The following ZCCHC14 variants were observed in gnomAD, a reference collection of about 807,000 sequenced individuals.
The protein encoded by ZCCHC14 is zinc finger CCHC-type containing 14.
A neutral mutation model predicts 85.0 loss-of-function variants in ZCCHC14; 16 were observed. The observed-to-expected ratio is 0.19, with a 90% CI of 0.13 to 0.29. ZCCHC14 has a LOEUF of 0.29. Ranked by LOEUF, ZCCHC14 falls within the 10% of genes least tolerant of loss-of-function variation. ZCCHC14 has a pLI of 1.00. For synonymous variants in ZCCHC14, 775 were observed against 630.7 expected, an observed-to-expected ratio of 1.23 and a Z score of -3.43; for missense variants, 1,303 against 1,443.5, an observed-to-expected ratio of 0.90 and a Z score of 1.58.
chr16:87,431,432 C>A (rs1332734086), intron 3 of ZCCHC14, among the ~76,000 whole-genome samples: 17 of 140,670 alleles, frequency 1.2e-4, no homozygotes, highest in South Asian at 4.6e-4. Context: ...GAGATCGCGT[C>A]ACTGCACTCC....
intron 1 of ZCCHC14, among the ~76,000 whole-genome samples, chr16:87,483,567 A>G (rs1395794144): frequency 1.3e-5 from 2 of 152,198 alleles, no homozygotes; most frequent in Non-Finnish European, 2.9e-5. Flanking sequence ...AACTCACCAA[A>G]TATCAATGAA....
rs768972294 is a variant in ZCCHC14, at chr16:87,412,773, C to T, written c.1948G>A (p.Val650Met). 34 of 1,613,754 alleles carry T rather than the reference C, an allele frequency of 2.1e-5. No homozygotes were observed. The African/African-American group carries it at 3.2e-4, about 15-fold the overall frequency. The part of the protein sequence containing the change: ...HITPIRMLNS[V>M]HKPERGSADM... The stretch of plus-strand genomic sequence containing the variant: ...GCGCTCCCTCTTTCCGGCTTGTGCA[C>T]GGAATTCAGCATGCGGATGGGTGTG... The change falls in exon 12 of 13, where the codon GTG becomes ATG. Residue 650 changes from valine (V) to methionine (M), a missense_variant. Coordinates refer to ENST00000671377, the MANE Select transcript of ZCCHC14 (RefSeq NM_015144.3).
chr16:87,428,085 A>ATTGGT (rs1315876338), intron 3 of ZCCHC14, among the ~76,000 whole-genome samples: 1 of 151,842 alleles, frequency 6.6e-6, no homozygotes, highest in Non-Finnish European at 1.5e-5. Flanking sequence ...ATTCCTGCAT[A>ATTGGT]TTGGTTTGAT....
chr16:87,430,846 T>TA (rs529104757), intron 3 of ZCCHC14, among the ~76,000 whole-genome samples: 7 of 152,214 alleles, frequency 4.6e-5, no homozygotes, highest in Admixed American at 3.3e-4. Context: ...ACTTGATTTC[T>TA]AAAATAGAAA....
intron 2 of ZCCHC14, among the ~76,000 whole-genome samples, chr16:87,433,933 C>A (rs1173700646): frequency 6.6e-6 from 1 of 152,148 alleles, no homozygotes; most frequent in African/African-American, 2.4e-5. Flanking sequence ...CGAAAGCCAC[C>A]GTGCCTGGCC....
At chr16:87,481,526 C>CGGGGGG (rs1315025919) in intron 1 of ZCCHC14, among the ~76,000 whole-genome samples, 4 of 2,432 alleles carry the variant, frequency 1.6e-3, no homozygotes, top group Non-Finnish European at 3.2e-3. Flanking sequence ...GGGAGAGAAA[C>CGGGGGG]GGGGGGGGGG....
At chr16:87,436,799 T>A (rs1189803229) in intron 2 of ZCCHC14, among the ~76,000 whole-genome samples, 1 of 152,182 alleles carries the variant, frequency 6.6e-6, no homozygotes, top group African/African-American at 2.4e-5. Flanking sequence ...GACAGTTTTG[T>A]TTAAAATGGA....
intron 1 of ZCCHC14, among the ~76,000 whole-genome samples, chr16:87,476,055 G>C (rs1190119992): frequency 2.0e-5 from 3 of 152,192 alleles, no homozygotes; most frequent in Non-Finnish European, 4.4e-5. Context: ...AGGAGAGACA[G>C]GGTCTCGACT....
At chr16:87,446,717 T>C (rs372170004) in intron 2 of ZCCHC14, among the ~76,000 whole-genome samples, 9 of 151,592 alleles carry the variant, frequency 5.9e-5, no homozygotes, top group Admixed American at 5.9e-4. Flanking sequence ...TGAGATAGAG[T>C]TTCGCTCTGC....
chr16:87,489,167 GA>G (rs757780613), intron 1 of ZCCHC14, among the ~76,000 whole-genome samples: 17 of 152,202 alleles, frequency 1.1e-4, no homozygotes, highest in Non-Finnish European at 1.8e-4. Context: ...CAACAGAAAC[GA>G]AAGTTAAATG....
At chr16:87,489,034 G>A (rs1182900936) in intron 1 of ZCCHC14, among the ~76,000 whole-genome samples, 2 of 152,200 alleles carry the variant, frequency 1.3e-5, no homozygotes, top group Admixed American at 6.5e-5. Flanking sequence ...TGCTTTTTCA[G>A]GAATACACCA....
chr16:87,453,567 C>T (rs1330206831), intron 2 of ZCCHC14, among the ~76,000 whole-genome samples: 1 of 152,196 alleles, frequency 6.6e-6, no homozygotes, highest in African/African-American at 2.4e-5. Context: ...CACCTGGCTG[C>T]CCCAGCCACG....
At chr16:87,477,913 T>G (rs1189203491) in intron 1 of ZCCHC14, among the ~76,000 whole-genome samples, 1 of 148,738 alleles carries the variant, frequency 6.7e-6, no homozygotes, top group East Asian at 2.0e-4. Flanking sequence ...CTGAACCTGC[T>G]GCCCCTCACC....
Position 87,411,336 on chromosome 16 carries a change from C to A in ZCCHC14, c.3205+180G>T, listed in dbSNP as rs974486157. 3.4e-6 allele frequency: 5 copies of A among 1,490,970 alleles called. No homozygotes were observed. The South Asian group carries it at 5.4e-5, about 16-fold the overall frequency. The allele number at this position is 1,490,970 out of a possible 1,614,324, so 92.4% of individuals were successfully genotyped here. Reference sequence around the variant, plus strand: ...CTGAAATCATCATGGCCGTTTTAGACCCAACAGCAGTCCTTCTGGGGACCT... The same window carrying A: ...CTGAAATCATCATGGCCGTTTTAGAACCAACAGCAGTCCTTCTGGGGACCT... On this transcript the variant is annotated intron_variant, in intron 12 of 12. Transcript: ENST00000671377.
intron 1 of ZCCHC14, among the ~76,000 whole-genome samples, chr16:87,466,815 G>T (rs1251395359): frequency 1.3e-5 from 2 of 152,208 alleles, no homozygotes; most frequent in Non-Finnish European, 2.9e-5. Context: ...AGAGGCTGGA[G>T]AAAGTGAAGT....
rs1908566135 is a variant in ZCCHC14 at position 87,413,089 on chromosome 16, T to C, written c.1710A>G (p.Glu570=). The C allele has an allele frequency of 1.2e-6, 2 of 1,613,894 alleles. No homozygotes were observed. Among genetic ancestry groups the C allele is most frequent in the African/African-American group, 2.7e-5 (2 of 74,946 alleles). The change falls in exon 11 of 13, where the codon GAA becomes GAG. Residue 570 remains glutamate (E), a synonymous_variant. Coordinates refer to ENST00000671377, the MANE Select transcript of ZCCHC14 (RefSeq NM_015144.3). ...SSSPMGVQAR[E]ESSDSAEEND... ...TCTCCTCAGCGCTGTCGGAGCTCTC[T>C]TCCCGGGCCTGTACCCCCATGGGGC...
At chr16:87,480,703 C>T (rs1912228886) in intron 1 of ZCCHC14, among the ~76,000 whole-genome samples, 1 of 152,146 alleles carries the variant, frequency 6.6e-6, no homozygotes, top group South Asian at 2.1e-4. Flanking sequence ...AACTGCTAGG[C>T]TCTAGTGATT....
At chr16:87,438,422 T>C (rs1910034641) in intron 2 of ZCCHC14, among the ~76,000 whole-genome samples, 1 of 152,212 alleles carries the variant, frequency 6.6e-6, no homozygotes, top group East Asian at 1.9e-4. Flanking sequence ...TTGTGGGCAA[T>C]GTGTTTACTT....
chr16:87,442,153 G>A (rs1910215469), intron 2 of ZCCHC14, among the ~76,000 whole-genome samples: 1 of 152,208 alleles, frequency 6.6e-6, no homozygotes, highest in African/African-American at 2.4e-5. Flanking sequence ...GCTGCACATG[G>A]AAGAATCTGA....
Sources: allele counts gnomAD v4.1 joint callset (sites outside exome capture counted in the v4.1 genomes callset), GRCh38; gene constraint gnomAD v4.1.1; transcripts MANE v1.5; gene names NCBI Gene and HGNC (gene_info 2026-07-23, HGNC 2026-07-21).